Variants in AP3B1 observed in about 807,000 individuals in gnomAD.
The protein encoded by AP3B1 is adaptor related protein complex 3 subunit beta 1.
AP3B1 carries 61 observed loss-of-function variants against 132.5 expected under a neutral mutation model. That is an observed-to-expected ratio of 0.46 (90% CI 0.37 to 0.57). The LOEUF is 0.57. AP3B1 is among the 20% of genes least tolerant of loss of function. The pLI is 0.00. For missense variants in AP3B1, 1,120 were observed against 1,289.4 expected (o/e 0.87, Z 2.01); for synonymous variants, 388 against 438.3 (o/e 0.89, Z 1.43).
chr5:78,046,774 A>T (rs191644097), intron 22 of AP3B1, among the ~76,000 whole-genome samples: 35 of 152,082 alleles, frequency 2.3e-4, no homozygotes, highest in African/African-American at 8.2e-4. Context: ...ACATAGGTAT[A>T]CACGTGCCAA....
intron 7 of AP3B1, among the ~76,000 whole-genome samples, chr5:78,211,371 T>C (rs1180154965): frequency 7.2e-5 from 11 of 152,226 alleles, no homozygotes; most frequent in Admixed American, 6.5e-4. Flanking sequence ...CAACACTTAA[T>C]TGTTCCTCAA....
chr5:78,089,403 G>A lies in AP3B1; in HGVS notation c.2567C>T (p.Ser856Leu), dbSNP rs1226691111. Reference sequence around the variant, plus strand: ...TTAAAAATAACTTACACTGATGACTGAAGAGGAAGTTGACAAGTGTAAACC... The same window carrying A: ...TTAAAAATAACTTACACTGATGACTAAAGAGGAAGTTGACAAGTGTAAACC... ...LEGLHLSTSSSVISVSTPAFV... is the reference protein window; with the variant it reads ...LEGLHLSTSSLVISVSTPAFV... The change falls in exon 22 of 27, where the codon TCA (serine) becomes TTA (leucine). Residue 856 changes from serine to leucine, a missense_variant. This residue lies in a region of AP3B1 where 906 missense variants were observed against 997.1 expected (regional missense o/e 0.91). Coordinates refer to ENST00000255194, the MANE Select transcript of AP3B1 (RefSeq NM_003664.5). The A allele has an allele frequency of 2.5e-6, 4 of 1,608,270 alleles. No homozygotes were observed. The highest frequency in any genetic ancestry group is 3.3e-4 in the Middle Eastern group (2 of 6,074).
At chr5:78,288,097 A>C (rs1207438353) in intron 1 of AP3B1, among the ~76,000 whole-genome samples, 1 of 152,238 alleles carries the variant, frequency 6.6e-6, no homozygotes, top group Non-Finnish European at 1.5e-5. Flanking sequence ...TCAACGTCTC[A>C]AACTAAAATG....
At chr5:78,024,019 G>A (rs1277581791) in intron 24 of AP3B1, among the ~76,000 whole-genome samples, 1 of 152,162 alleles carries the variant, frequency 6.6e-6, no homozygotes, top group East Asian at 1.9e-4. Context: ...GGGATGAAGA[G>A]CACAAGAATG....
At chr5:78,172,585 C>A (rs545235035) in intron 11 of AP3B1, among the ~76,000 whole-genome samples, 1 of 152,224 alleles carries the variant, frequency 6.6e-6, no homozygotes, top group East Asian at 1.9e-4. Context: ...GGTGATATCT[C>A]CTTTATCATT....
At chr5:78,214,043 C>T (rs934051154) in intron 7 of AP3B1, among the ~76,000 whole-genome samples, 1 of 152,174 alleles carries the variant, frequency 6.6e-6, no homozygotes, top group African/African-American at 2.4e-5. Context: ...GCTAGCACAT[C>T]CTGAGGGCTG....
At chr5:78,244,077 A>C (rs994994438) in intron 2 of AP3B1, among the ~76,000 whole-genome samples, 2 of 152,196 alleles carry the variant, frequency 1.3e-5, no homozygotes, top group Non-Finnish European at 2.9e-5. Context: ...ATTTATTCTG[A>C]AAATAGATTA....
intron 22 of AP3B1, among the ~76,000 whole-genome samples, chr5:78,055,451 T>C (rs1260780489): frequency 6.6e-6 from 1 of 152,246 alleles, no homozygotes; most frequent in Non-Finnish European, 1.5e-5. Context: ...TTGTATCTAA[T>C]TGATAGGATT....
chr5:78,096,759 G>C, intron 21 of AP3B1, among the ~76,000 whole-genome samples: 1 of 151,728 alleles, frequency 6.6e-6, no homozygotes, highest in South Asian at 2.1e-4. Context: ...GAGAAGTGAG[G>C]AGCCCCTCCG....
chr5:78,132,269 T>C (rs570897233), intron 15 of AP3B1, among the ~76,000 whole-genome samples: 2 of 152,200 alleles, frequency 1.3e-5, no homozygotes, highest in African/African-American at 4.8e-5. Flanking sequence ...ATTTTTACCA[T>C]GACAACGTCC....
At chr5:78,236,044 A>G (rs1176293913) in intron 3 of AP3B1, among the ~76,000 whole-genome samples, 2 of 152,212 alleles carry the variant, frequency 1.3e-5, no homozygotes, top group Non-Finnish European at 2.9e-5. Flanking sequence ...CATGTTTCAA[A>G]AAAATAAAAT....
intron 22 of AP3B1, chr5:78,042,216 A>C (rs1748120921): frequency 6.6e-6 from 1 of 152,344 alleles, no homozygotes; most frequent in Non-Finnish European, 1.5e-5. Context: ...CAAGCTTTAG[A>C]TTTTAATTTT....
intron 7 of AP3B1, among the ~76,000 whole-genome samples, chr5:78,205,113 A>G (rs1185909367): frequency 1.3e-5 from 2 of 152,180 alleles, no homozygotes; most frequent in Non-Finnish European, 2.9e-5. Context: ...TTGAAAATTT[A>G]GGAAACCCAA....
In AP3B1 at chr5:78,216,225, T is replaced by C. The variant is rs1416878299; in HGVS notation, c.616A>G (p.Ser206Gly). Residue 206 changes from serine (S) to glycine (G), a missense_variant, in exon 7 of 27, where the codon AGT (serine) becomes GGT (glycine). Around this residue, in one of 3 missense-constraint regions of AP3B1, gnomAD observed 129 missense variants for 212.4 expected, o/e 0.61. Transcript: ENST00000255194. ...LKDKSTLVAG[S>G]VVMAFEEVCP... is the part of the protein sequence containing the mutation. Reference sequence around the variant, plus strand: ...ACTTCTTCAAAAGCCATCACAACACTGCCAGCTACCAACTAGAAAAGAAAG... The same window carrying C: ...ACTTCTTCAAAAGCCATCACAACACCGCCAGCTACCAACTAGAAAAGAAAG... 1 of 1,613,882 alleles carries C rather than the reference T, an allele frequency of 6.2e-7. No homozygotes were observed. The highest frequency in any genetic ancestry group is 8.5e-7 in the Non-Finnish European group (1 of 1,179,890).
intron 2 of AP3B1, among the ~76,000 whole-genome samples, chr5:78,259,257 AAAAG>A (rs1276842415): frequency 4.5e-4 from 69 of 151,866 alleles, no homozygotes; most frequent in African/African-American, 1.4e-3. Context: ...AAAAAAAAAA[AAAAG>A]AAAGAAAGAA....
At chr5:78,250,692 GA>G (rs2112535454) in intron 2 of AP3B1, among the ~76,000 whole-genome samples, 1 of 152,190 alleles carries the variant, frequency 6.6e-6, no homozygotes, top group South Asian at 2.1e-4. Flanking sequence ...ATTATATGGG[GA>G]AAAAGTTGGA....
At chr5:78,051,001 T>G (rs1421230459) in intron 22 of AP3B1, among the ~76,000 whole-genome samples, 1 of 152,204 alleles carries the variant, frequency 6.6e-6, no homozygotes, top group Non-Finnish European at 1.5e-5. Flanking sequence ...AAAAGTCGTT[T>G]GTGTACCTTT....
intron 7 of AP3B1, among the ~76,000 whole-genome samples, chr5:78,188,235 G>A (rs957063984): frequency 6.6e-5 from 10 of 152,114 alleles, no homozygotes; most frequent in Non-Finnish European, 1.5e-4. Flanking sequence ...TGACAAATGG[G>A]ATCTAATTAA....
chr5:78,262,248 CT>C (rs546609267), intron 2 of AP3B1, among the ~76,000 whole-genome samples: 5 of 151,366 alleles, frequency 3.3e-5, no homozygotes, highest in Non-Finnish European at 5.9e-5. Flanking sequence ...AAATAATCTA[CT>C]TTTTTTTTAC....
Sources: gnomAD v4.1 joint callset for allele counts (sites outside exome capture counted in the v4.1 genomes callset) on GRCh38, gnomAD v4.1.1 for gene constraint, gnomAD v4.1.1 regional missense constraint, MANE v1.5 for transcripts, NCBI Gene and HGNC (gene_info 2026-07-23, HGNC 2026-07-21) for gene names.